IQGAP1: variants seen among roughly 807,000 people sequenced by gnomAD.
The protein encoded by IQGAP1 is ras GTPase-activating-like protein IQGAP1.
In IQGAP1, 66 loss-of-function variants were observed where a neutral mutation model predicts 215.6. The ratio of observed to expected loss-of-function variants is 0.31; its 90% CI spans 0.25 to 0.38. The LOEUF is 0.38. Ranked by LOEUF, IQGAP1 falls within the 10% of genes least tolerant of loss-of-function variation. The pLI is 1.00. For synonymous variants in IQGAP1, 772 were observed against 728.7 expected (o/e 1.06, Z -0.96); for missense variants, 1,712 against 1,997.1 (o/e 0.86, Z 2.72).
At chr15:90,450,983 T>G (rs1965596852) in intron 11 of IQGAP1, among the ~76,000 whole-genome samples, 1 of 152,184 alleles carries the variant, frequency 6.6e-6, no homozygotes, top group African/African-American at 2.4e-5. Context: ...TAGTCCTGTT[T>G]GTCTATTTTT....
At chr15:90,480,621 C>G (rs926570059) in intron 26 of IQGAP1, among the ~76,000 whole-genome samples, 5 of 152,068 alleles carry the variant, frequency 3.3e-5, no homozygotes, top group African/African-American at 9.7e-5. Flanking sequence ...TTTAATTTAG[C>G]CATGCTATGA....
Position 90,472,901 on chromosome 15 carries a change from G to A in IQGAP1, c.2240G>A (p.Gly747Asp), listed in dbSNP as rs1329250155. Reference protein sequence around the residue: ...NREQLWLANEGLITRLQARCR... With the variant: ...NREQLWLANEDLITRLQARCR... ...GAACAGCTGTGGCTGGCCAATGAAG[G>A]CCTGATCACCAGGCTGCAGGCTCGC... The change falls in exon 19 of 38, where the codon GGC becomes GAC. Residue 747 changes from glycine (G) to aspartate (D), a missense_variant. Around this residue, in one of 2 missense-constraint regions of IQGAP1, gnomAD observed 1,021 missense variants for 1,074.2 expected, o/e 0.95. Transcript: ENST00000268182. 2 of 1,613,788 alleles carry A rather than the reference G, an allele frequency of 1.2e-6. No homozygotes were observed. Among genetic ancestry groups the A allele is most frequent in the Admixed American group, 1.7e-5 (1 of 59,980 alleles).
At chr15:90,495,288 C>T (rs901720671) in intron 36 of IQGAP1, among the ~76,000 whole-genome samples, 20 of 152,132 alleles carry the variant, frequency 1.3e-4, no homozygotes, top group Non-Finnish European at 2.5e-4. Context: ...GGTCCTGGGC[C>T]CAGCGTCATT....
intron 2 of IQGAP1, among the ~76,000 whole-genome samples, chr15:90,395,611 C>CGCCCG (rs1349468138): frequency 6.6e-6 from 1 of 152,172 alleles, no homozygotes; most frequent in Non-Finnish European, 1.5e-5. Flanking sequence ...TGAGCCACTG[C>CGCCCG]GCCCGGCCGG....
At chr15:90,395,912 T>G (rs1379146399) in intron 2 of IQGAP1, among the ~76,000 whole-genome samples, 1 of 152,166 alleles carries the variant, frequency 6.6e-6, no homozygotes, top group East Asian at 1.9e-4. Context: ...TTCAGACAAT[T>G]CCTGGTGTGC....
chr15:90,443,921 G>C (rs980260070), intron 9 of IQGAP1, among the ~76,000 whole-genome samples: 1 of 151,788 alleles, frequency 6.6e-6, no homozygotes, highest in Non-Finnish European at 1.5e-5. Flanking sequence ...AAAATTAGCC[G>C]GGCATGGTGG....
intron 15 of IQGAP1, among the ~76,000 whole-genome samples, chr15:90,465,123 C>A (rs1216030452): frequency 6.6e-6 from 1 of 152,156 alleles, no homozygotes; most frequent in East Asian, 1.9e-4. Flanking sequence ...TGAAAATTTG[C>A]TTTTAAGTTC....
At chr15:90,490,741 G>T (rs574453863) in intron 33 of IQGAP1, among the ~76,000 whole-genome samples, 2 of 152,074 alleles carry the variant, frequency 1.3e-5, no homozygotes, top group Non-Finnish European at 2.9e-5. Context: ...GTCCAGTCTC[G>T]GTGATTGTAC....
At chr15:90,418,287 T>C (rs543025786) in intron 2 of IQGAP1, among the ~76,000 whole-genome samples, 3 of 152,082 alleles carry the variant, frequency 2.0e-5, no homozygotes, top group Admixed American at 1.3e-4. Context: ...TATGAAAAGG[T>C]ATAAGAATTA....
intron 2 of IQGAP1, among the ~76,000 whole-genome samples, chr15:90,425,155 C>G (rs751182986): frequency 1.3e-5 from 2 of 151,902 alleles, no homozygotes; most frequent in Non-Finnish European, 2.9e-5. Context: ...ACTAAAAATA[C>G]AAAAATTAGC....
At chr15:90,457,730 A>G (rs1176184687) in intron 15 of IQGAP1, among the ~76,000 whole-genome samples, 1 of 151,814 alleles carries the variant, frequency 6.6e-6, no homozygotes, top group African/African-American at 2.4e-5. Context: ...GGCATGAGCC[A>G]CTGCCCATGG....
intron 2 of IQGAP1, among the ~76,000 whole-genome samples, chr15:90,411,902 A>C (rs924507782): frequency 2.0e-5 from 3 of 152,214 alleles, no homozygotes; most frequent in African/African-American, 7.2e-5. Flanking sequence ...AGACTTAAAC[A>C]AACGAAAAAC....
chr15:90,407,222 A>G (rs758325623), intron 2 of IQGAP1, among the ~76,000 whole-genome samples: 2 of 152,226 alleles, frequency 1.3e-5, no homozygotes, highest in Non-Finnish European at 2.9e-5. Context: ...TTCGATGAGT[A>G]TGACCAGGAT....
intron 2 of IQGAP1, among the ~76,000 whole-genome samples, chr15:90,408,120 T>C (rs1218806278): frequency 6.6e-6 from 1 of 152,232 alleles, no homozygotes; most frequent in Non-Finnish European, 1.5e-5. Context: ...TCTTGTTCTC[T>C]GTGCTCCTTT....
intron 2 of IQGAP1, among the ~76,000 whole-genome samples, chr15:90,417,441 C>T (rs1256573490): frequency 6.6e-6 from 1 of 152,152 alleles, no homozygotes; most frequent in Non-Finnish European, 1.5e-5. Context: ...GCCAGTTTTC[C>T]CAGCACCATT....
intron 2 of IQGAP1, among the ~76,000 whole-genome samples, chr15:90,404,555 G>T (rs1025330279): frequency 4.6e-5 from 7 of 151,734 alleles, no homozygotes; most frequent in Non-Finnish European, 7.4e-5. Context: ...GAGGAAATTG[G>T]CTCGTTGTAC....
chr15:90,494,593 G>A (rs1966248151), intron 35 of IQGAP1, 120 bp from the exon 36 acceptor site: 1 of 713,558 alleles, frequency 1.4e-6, no homozygotes, highest in Non-Finnish European at 2.3e-6. Flanking sequence ...TTTAGAGTTG[G>A]TATGTTACTT....
At position 90,487,097 on chromosome 15, in the gene IQGAP1, T is replaced by C. The variant is rs533519525; in HGVS notation, c.4160+8T>C. Reference sequence around the variant, plus strand: ...TCGAACCATCTTACTGAAGTGAGTATCAAAAGAAGGAAGAATGAAATGAAT... The same window carrying C: ...TCGAACCATCTTACTGAAGTGAGTACCAAAAGAAGGAAGAATGAAATGAAT... On this transcript the variant is annotated splice_region_variant and intron_variant, in intron 32 of 37. Transcript: ENST00000268182. 239 of 1,613,770 alleles carry C rather than the reference T, an allele frequency of 1.5e-4. 2 individuals are homozygous for C. The South Asian group carries it at 2.5e-3, about 17-fold the overall frequency.
rs964414137 is a variant in IQGAP1 at position 90,496,218 on chromosome 15, C to T, written c.4752-1014C>T. Among the ~76,000 whole-genome samples, 9 of 151,440 alleles carry T rather than the reference C, an allele frequency of 5.9e-5. No homozygotes were observed. In the South Asian group the frequency reaches 1.9e-3, roughly 31 times the overall value. ...TTTTGCATCTTTCATGGTTCTCAGCCCTGTTCGTAATAGGTAAGGCAGCTC... is the reference window on the plus strand; with the variant it reads ...TTTTGCATCTTTCATGGTTCTCAGCTCTGTTCGTAATAGGTAAGGCAGCTC... On this transcript the variant is annotated intron_variant, in intron 36 of 37. Coordinates refer to ENST00000268182, the MANE Select transcript of IQGAP1 (RefSeq NM_003870.4).
Sources: gnomAD v4.1 joint callset for allele counts (sites outside exome capture counted in the v4.1 genomes callset) on GRCh38, gnomAD v4.1.1 for gene constraint, gnomAD v4.1.1 regional missense constraint, MANE v1.5 for transcripts, NCBI Gene and HGNC (gene_info 2026-07-23, HGNC 2026-07-21) for gene names.